The following ASTN2 variants were observed in gnomAD, a reference collection of about 807,000 sequenced individuals.
ASTN2 encodes the protein astrotactin 2.
A neutral mutation model predicts 139.8 loss-of-function variants in ASTN2; 54 were observed. The ratio of observed to expected loss-of-function variants is 0.39; its 90% confidence interval spans 0.31 to 0.48. The LOEUF (loss-of-function observed/expected upper bound fraction) is 0.48, where lower values mean the gene tolerates loss of function less well. Ranked by LOEUF, ASTN2 falls within the 20% of genes least tolerant of loss-of-function variation. The pLI is 0.95. For synonymous variants in ASTN2, 756 were observed against 719.5 expected (o/e 1.05, Z -0.81); for missense variants, 1,565 against 1,725.1 (o/e 0.91, Z 1.64).
At chr9:117,322,116 A>T (rs1828343613) in intron 1 of ASTN2, among the ~76,000 whole-genome samples, 1 of 151,422 alleles carries the variant, frequency 6.6e-6, no homozygotes, top group Non-Finnish European at 1.5e-5. Flanking sequence ...ATTGCTCCAT[A>T]ATTCAGGGAT....
At chr9:116,765,418 T>A (rs1001371703) in intron 13 of ASTN2, among the ~76,000 whole-genome samples, 1 of 152,190 alleles carries the variant, frequency 6.6e-6, no homozygotes, top group Non-Finnish European at 1.5e-5. Flanking sequence ...GGACTTGAAG[T>A]GTAAACTAGT....
At chr9:116,594,202 T>C (rs539589414) in intron 19 of ASTN2, among the ~76,000 whole-genome samples, 1 of 152,342 alleles carries the variant, frequency 6.6e-6, no homozygotes, top group Non-Finnish European at 1.5e-5. Context: ...AATAGTAATC[T>C]TGTGAACACA....
intron 2 of ASTN2, among the ~76,000 whole-genome samples, chr9:117,287,958 G>A (rs1461805780): frequency 6.6e-6 from 1 of 152,086 alleles, no homozygotes; most frequent in African/African-American, 2.4e-5. Context: ...TCATACATAA[G>A]GAAACTGAGG....
At chr9:116,687,351 C>A in intron 16 of ASTN2, 1 of 646,280 alleles carries the variant, frequency 1.5e-6, no homozygotes, top group Non-Finnish European at 1.9e-6. Flanking sequence ...GGGCTGCCGG[C>A]GGTGGACTCG....
chr9:117,086,442 C>T (rs1828563676), intron 5 of ASTN2, among the ~76,000 whole-genome samples: 1 of 152,240 alleles, frequency 6.6e-6, no homozygotes, highest in Non-Finnish European at 1.5e-5. Flanking sequence ...AACATGGTGG[C>T]ACGTGCCTGT....
At chr9:116,588,597 T>G (rs547945338) in intron 19 of ASTN2, among the ~76,000 whole-genome samples, 91 of 152,352 alleles carry the variant, frequency 6.0e-4, no homozygotes, top group African/African-American at 2.1e-3. Flanking sequence ...TCTGTCATAA[T>G]AATAGTGTCT....
At chr9:116,761,847 T>A (rs953862743) in intron 13 of ASTN2, among the ~76,000 whole-genome samples, 1 of 152,116 alleles carries the variant, frequency 6.6e-6, no homozygotes, top group Non-Finnish European at 1.5e-5. Context: ...GGCTGCTATA[T>A]GGAGAATGAA....
intron 20 of ASTN2, among the ~76,000 whole-genome samples, chr9:116,456,391 G>C (rs1848333488): frequency 2.0e-5 from 3 of 152,098 alleles, no homozygotes. Context: ...CATGTTCATG[G>C]ATTGAAAGAA....
At chr9:116,816,537 C>G (rs112770864) in intron 12 of ASTN2, among the ~76,000 whole-genome samples, 6 of 152,094 alleles carry the variant, frequency 3.9e-5, no homozygotes, top group African/African-American at 1.4e-4. Context: ...AAATCTTAGG[C>G]GGATGAATTC....
At chr9:116,768,636 A>C (rs1829876565) in intron 13 of ASTN2, among the ~76,000 whole-genome samples, 1 of 152,196 alleles carries the variant, frequency 6.6e-6, no homozygotes, top group African/African-American at 2.4e-5. Flanking sequence ...TTGGGAAGTG[A>C]TTAAATCATG....
At chr9:116,695,475 T>C (rs1860797435) in intron 16 of ASTN2, among the ~76,000 whole-genome samples, 1 of 152,238 alleles carries the variant, frequency 6.6e-6, no homozygotes, top group Non-Finnish European at 1.5e-5. Flanking sequence ...TGGTAGAAAT[T>C]TGTTGTAATG....
At chr9:117,170,084 C>A (rs535671739) in intron 3 of ASTN2, among the ~76,000 whole-genome samples, 4 of 152,172 alleles carry the variant, frequency 2.6e-5, no homozygotes, top group Non-Finnish European at 5.9e-5. Flanking sequence ...ATTGTGAGGA[C>A]TAAATATGAA....
chr9:116,762,186 C>A (rs2132169735), intron 13 of ASTN2, among the ~76,000 whole-genome samples: 1 of 152,304 alleles, frequency 6.6e-6, no homozygotes, highest in South Asian at 2.1e-4. Flanking sequence ...TGGCTCTAAT[C>A]ATTACTTTAC....
At chr9:116,920,926 T>A (rs1490352833) in intron 10 of ASTN2, among the ~76,000 whole-genome samples, 2 of 152,184 alleles carry the variant, frequency 1.3e-5, no homozygotes, top group African/African-American at 4.8e-5. Flanking sequence ...GAAATATCCA[T>A]CTGTTTTAGT....
At position 116,699,201 on chromosome 9, in the gene ASTN2, G is replaced by T; in HGVS notation, c.2806+26570C>A. 6.2e-7 allele frequency: 1 copy of T among 1,614,230 alleles called. No individual in the cohort carries two copies. Among genetic ancestry groups the T allele is most frequent in the South Asian group, 1.1e-5 (1 of 91,088 alleles). ...GCCATCTGGCCAGTTTGTAGTAACC[G>T]ATGTGGAAGGTGGAAAGCTTTGGTG... On this transcript the variant is annotated intron_variant, in intron 16 of 22. Transcript: ENST00000313400. The surrounding 1 kb of genome is among the most constrained non-coding windows in gnomAD (Gnocchi z 4.2).
chr9:116,902,958 T>C (rs1834059513), intron 10 of ASTN2, among the ~76,000 whole-genome samples: 1 of 152,194 alleles, frequency 6.6e-6, no homozygotes, highest in African/African-American at 2.4e-5. Context: ...CATTACCACT[T>C]TGACCACATC....
intron 19 of ASTN2, among the ~76,000 whole-genome samples, chr9:116,503,034 G>T (rs73522442): frequency 0.046 from 6,735 of 146,734 alleles, 387 homozygotes; most frequent in African/African-American, 0.15. Flanking sequence ...AAAAAAGGAG[G>T]AAGGAAAGAA....
At chr9:117,136,455 CA>C (rs376727156) in intron 4 of ASTN2, among the ~76,000 whole-genome samples, 48 of 152,324 alleles carry the variant, frequency 3.2e-4, no homozygotes, top group African/African-American at 1.1e-3. Context: ...TTCTTTTGAG[CA>C]CAGCTGCAGA....
chr9:117,361,249 A>G (rs2130895759), intron 1 of ASTN2, among the ~76,000 whole-genome samples: 2 of 152,342 alleles, frequency 1.3e-5, no homozygotes, highest in Admixed American at 1.3e-4. Context: ...AGCAGATTGG[A>G]GAGCATTTAA....
Sources: allele counts gnomAD v4.1 joint callset (sites outside exome capture counted in the v4.1 genomes callset), GRCh38; gene constraint gnomAD v4.1.1; non-coding constraint Gnocchi (gnomAD v3.1); transcripts MANE v1.5; gene names NCBI Gene and HGNC (gene_info 2026-07-23, HGNC 2026-07-21).